Variants in ZNF160 observed in about 807,000 individuals in gnomAD.
ZNF160 encodes KRAB zinc finger protein KR18.
ZNF160 carries 9 observed loss-of-function variants against 13.1 expected under a neutral mutation model. The ratio of observed to expected loss-of-function variants is 0.69; its 90% CI spans 0.41 to 1.20. The LOEUF is 1.20. Among genes scored for constraint, ZNF160 ranks in the 50% most tolerant of loss-of-function variants. The probability of loss-of-function intolerance (pLI) is 0.01; values close to 1 mark genes in which losing one functional copy is unlikely to be tolerated. For synonymous variants in ZNF160, 293 were observed against 333.2 expected (o/e 0.88, Z 1.31); for missense variants, 838 against 988.0 (o/e 0.85, Z 2.04).
At chr19:53,075,030 T>G (rs750525157) in intron 4 of ZNF160, 27 bp downstream of exon 4, 24 of 1,613,724 alleles carry the variant, frequency 1.5e-5, no homozygotes, top group Admixed American at 1.3e-4. Flanking sequence ...GAACAGATCT[T>G]GACTTCTGGA....
At chr19:53,073,126 T>C (rs2084242776) in intron 5 of ZNF160, 6 of 1,259,004 alleles carry the variant, frequency 4.8e-6, no homozygotes, top group Non-Finnish European at 5.2e-6. Flanking sequence ...CATCTCCCTA[T>C]TCCCTCCAGT....
At chr19:53,096,329 G>C (rs1435020516) in intron 1 of ZNF160, among the ~76,000 whole-genome samples, 2 of 152,160 alleles carry the variant, frequency 1.3e-5, no homozygotes, top group African/African-American at 4.8e-5. Flanking sequence ...CCTTGGGGTG[G>C]TCTTTTTCGT....
intron 1 of ZNF160, among the ~76,000 whole-genome samples, chr19:53,100,479 G>A (rs373364714): frequency 3.3e-5 from 5 of 152,032 alleles, no homozygotes; most frequent in African/African-American, 7.2e-5. Context: ...GCGTGGTGGC[G>A]GCTGCCTGTA....
intron 1 of ZNF160, among the ~76,000 whole-genome samples, chr19:53,093,899 A>G (rs2085125574): frequency 6.6e-6 from 1 of 152,246 alleles, no homozygotes; most frequent in Admixed American, 6.5e-5. Flanking sequence ...CAGCTAATTG[A>G]AAAAATGAGA....
Position 53,069,140 on chromosome 19 carries a change from T to C in ZNF160, c.1394A>G (p.His465Arg). ...GACCTGATGGGTAGCTAGGTTTGAA[T>C]GCATACTGAAGGCTTTGCCACATTC... Reference protein sequence around the residue: ...CNECGKAFSMHSNLATHQVIH... With the variant: ...CNECGKAFSMRSNLATHQVIH... The change falls in exon 6 of 6, where the codon CAT becomes CGT. Residue 465 changes from histidine (H) to arginine (R), a missense_variant. By Grantham distance (29) the His-to-Arg change is conservative. This residue lies in a region of ZNF160 where 400 missense variants were observed against 538.9 expected (regional missense o/e 0.74). Transcript: ENST00000683776. This position sits in a 1 kb window ranked among gnomAD's most constrained non-coding sequence, Gnocchi z 4.4. 6.2e-7 allele frequency: 1 copy of C among 1,614,104 alleles called. No homozygotes were observed. The highest frequency in any genetic ancestry group is 8.5e-7 in the Non-Finnish European group (1 of 1,180,020).
Position 53,081,601 on chromosome 19 carries a change from T to TA in ZNF160, c.15+4660dup, listed in dbSNP as rs561394895. Among the ~76,000 whole-genome samples, 464 of 145,630 alleles carry TA rather than the reference T, an allele frequency of 3.2e-3. 4 individuals are homozygous for TA. Among genetic ancestry groups the TA allele is most frequent in the South Asian group, 0.015 (69 of 4,594 alleles). On this transcript the variant is annotated intron_variant, in intron 3 of 5. Coordinates refer to ENST00000683776, the MANE Select transcript of ZNF160 (RefSeq NM_001322131.2). ...AGGCATAATGGCTATTACTAAAAAG[T>TA]AAAAAAAAAACAACAAATATTGACA...
In ZNF160 at chr19:53,094,325, T is replaced by C. The variant is rs138510590; in HGVS notation, c.-353-2605A>G. Among the ~76,000 whole-genome samples, 22 of 152,224 alleles carry C rather than the reference T, an allele frequency of 1.4e-4. No homozygotes were observed. In the East Asian group the frequency reaches 4.2e-3, roughly 29 times the overall value. On this transcript the variant is annotated intron_variant, in intron 1 of 5. Coordinates refer to ENST00000683776, the MANE Select transcript of ZNF160 (RefSeq NM_001322131.2). ...CATCCCGGTGCCTGGCAAATAGAAA[T>C]GGAAACGATGTTCCGATCGTTGTCA...
intron 4 of ZNF160, 33 bp from the exon 5 acceptor site, chr19:53,074,301 G>A (rs568488023): frequency 6.8e-5 from 110 of 1,609,558 alleles, no homozygotes; most frequent in Admixed American, 1.2e-4. Flanking sequence ...ACAATGTGCC[G>A]GGGCTTTTCC....
At chr19:53,090,657 G>C (rs897238099) in intron 2 of ZNF160, among the ~76,000 whole-genome samples, 1 of 152,166 alleles carries the variant, frequency 6.6e-6, no homozygotes, top group African/African-American at 2.4e-5. Flanking sequence ...ATGCTTATGA[G>C]GGGGAGGCCT....
At chr19:53,094,487 G>A (rs1401340229) in intron 1 of ZNF160, among the ~76,000 whole-genome samples, 3 of 152,072 alleles carry the variant, frequency 2.0e-5, no homozygotes, top group Non-Finnish European at 2.9e-5. Flanking sequence ...GGGACCATCC[G>A]CTGATGCCCC....
intron 1 of ZNF160, among the ~76,000 whole-genome samples, chr19:53,098,371 A>C (rs1170680064): frequency 6.6e-6 from 1 of 152,186 alleles, no homozygotes; most frequent in Non-Finnish European, 1.5e-5. Flanking sequence ...CACTGGATTG[A>C]AAGGCCTCTG....
chr19:53,085,390 G>A (rs28661145), intron 3 of ZNF160: 13,332 of 171,356 alleles, frequency 0.078, 787 homozygotes, highest in African/African-American at 0.16. Context: ...AGATGTGAGG[G>A]AGGGTGGAAG....
intron 1 of ZNF160, among the ~76,000 whole-genome samples, chr19:53,094,208 G>A (rs1419973761): frequency 6.6e-6 from 1 of 152,002 alleles, no homozygotes; most frequent in Non-Finnish European, 1.5e-5. Context: ...GGAATGGTTG[G>A]CGACCTAAAT....
At chr19:53,093,904 A>G (rs771792605) in intron 1 of ZNF160, among the ~76,000 whole-genome samples, 2 of 152,236 alleles carry the variant, frequency 1.3e-5, no homozygotes, top group Non-Finnish European at 2.9e-5. Flanking sequence ...AATTGAAAAA[A>G]TGAGATGCAC....
intron 3 of ZNF160, chr19:53,086,061 A>G (rs1221941789): frequency 7.1e-7 from 1 of 1,417,528 alleles, no homozygotes; most frequent in African/African-American, 1.4e-5. Flanking sequence ...GACCATGCCC[A>G]GTGCAGCCTC....
At position 53,098,540 on chromosome 19, in the gene ZNF160, A is replaced by C. The variant is rs146737570; in HGVS notation, c.-354+4725T>G. ...AGGCAGGTGAAGATTGGCCGGATTG[A>C]GCTGGCGGAGGATGTCCAAGAAAAA... is the stretch of plus-strand genomic sequence containing the variant. On this transcript the variant is annotated intron_variant, in intron 1 of 5. Coordinates refer to ENST00000683776, the MANE Select transcript of ZNF160 (RefSeq NM_001322131.2). Among the ~76,000 whole-genome samples, 464 of 151,630 alleles carry C rather than the reference A, an allele frequency of 3.1e-3. 1 individual carries two copies. The highest frequency in any genetic ancestry group is 0.01 in the African/African-American group (419 of 41,034).
At chr19:53,075,419 T>C (rs1394955224) in intron 3 of ZNF160, 1 of 462,194 alleles carries the variant, frequency 2.2e-6, no homozygotes, top group Non-Finnish European at 3.9e-6. Flanking sequence ...GGATAATTGG[T>C]GTCTGGAGCA....
chr19:53,097,512 C>T (rs2085283231), intron 1 of ZNF160, among the ~76,000 whole-genome samples: 1 of 151,908 alleles, frequency 6.6e-6, no homozygotes, highest in Non-Finnish European at 1.5e-5. Flanking sequence ...ATCTCACAAG[C>T]CCCAGTAACT....
At chr19:53,077,432 G>C (rs1396986539) in intron 3 of ZNF160, 2 of 152,156 alleles carry the variant, frequency 1.3e-5, no homozygotes, top group Non-Finnish European at 1.5e-5. Flanking sequence ...CAGCACTTTG[G>C]GAGCCGAGGC....
Sources: gnomAD v4.1 joint callset for allele counts (sites outside exome capture counted in the v4.1 genomes callset) on GRCh38, gnomAD v4.1.1 for gene constraint, gnomAD v4.1.1 regional missense constraint, Gnocchi (gnomAD v3.1) non-coding constraint, MANE v1.5 for transcripts, NCBI Gene and HGNC (gene_info 2026-07-23, HGNC 2026-07-21) for gene names.